ASPA: variants seen among roughly 807,000 people sequenced by gnomAD.
ASPA encodes the protein ACY-2.
ASPA carries 25 observed loss-of-function variants against 29.6 expected under a neutral mutation model. The ratio of observed to expected loss-of-function variants is 0.85; its 90% CI spans 0.62 to 1.18. The LOEUF (loss-of-function observed/expected upper bound fraction) is 1.18. ASPA is among the 50% of genes most tolerant of loss of function. The probability of loss-of-function intolerance (pLI) is 0.00; values close to 1 mark genes in which losing one functional copy is unlikely to be tolerated. For missense variants in ASPA, 333 were observed against 385.7 expected (o/e 0.86, Z 1.14); for synonymous variants, 131 against 130.3 (o/e 1.01, Z -0.04).
intron 4 of ASPA, among the ~76,000 whole-genome samples, chr17:3,491,877 CTTTTTTTTTTT>C: frequency 8.1e-6 from 1 of 123,044 alleles, no homozygotes; most frequent in South Asian, 2.5e-4. Flanking sequence ...CTTTTGTTTT[CTTTTTTTTTTT>C]TTTTTTTGAG....
At chr17:3,477,640 G>A (rs1398028722) in intron 1 of ASPA, among the ~76,000 whole-genome samples, 2 of 151,960 alleles carry the variant, frequency 1.3e-5, no homozygotes, top group Non-Finnish European at 2.9e-5. Context: ...TTTTAGTAGA[G>A]ACGGGGTTTC....
chr17:3,479,317 A>T (rs769639284), intron 1 of ASPA, among the ~76,000 whole-genome samples: 7 of 152,210 alleles, frequency 4.6e-5, no homozygotes, highest in Non-Finnish European at 8.8e-5. Context: ...CCATTTACTC[A>T]AATGCGGAAG....
chr17:3,499,199 A>T lies in ASPA; in HGVS notation c.*111A>T. On this transcript the variant is annotated 3_prime_UTR_variant, in exon 6 of 6. Coordinates refer to ENST00000263080, the MANE Select transcript of ASPA (RefSeq NM_000049.4). ...CAACTGCATACATAGCTCCTAGCAC[A>T]GTGCCTTATTCGGTAGGCATCTAAG... The T allele has an allele frequency of 8.6e-7, 1 of 1,167,516 alleles. No homozygotes were observed. The highest frequency in any genetic ancestry group is 1.2e-6 in the Non-Finnish European group (1 of 825,492). The allele number at this position is 1,167,516 out of a possible 1,614,324, so 72.3% of individuals were successfully genotyped here. A position where few individuals can be genotyped will look rare whatever the true frequency, so the allele number is the denominator to read the frequency against.
In ASPA at chr17:3,481,648, A is replaced by T. The variant is rs750812337; in HGVS notation, c.282A>T (p.Gln94His). Residue 94 changes from glutamine to histidine, a missense_variant, in exon 2 of 6, where the codon CAA (glutamine) becomes CAT (histidine). Transcript: ENST00000263080. ...TGCCATATGAAGTGAGAAGGGCTCAAGAAATAAATCATTTATTTGGTCCAA... is the reference window on the plus strand; with the variant it reads ...TGCCATATGAAGTGAGAAGGGCTCATGAAATAAATCATTTATTTGGTCCAA... ...EDLPYEVRRA[Q>H]EINHLFGPKD... is the part of the protein sequence containing the mutation. 4.3e-6 allele frequency: 7 copies of T among 1,613,912 alleles called. No homozygotes were observed. The Admixed American group carries it at 8.3e-5, about 19-fold the overall frequency.
rs1411955239 is a variant in ASPA at position 3,490,551 on chromosome 17, G to T, written c.634+1209G>T. On this transcript the variant is annotated intron_variant, in intron 4 of 5. Coordinates refer to ENST00000263080, the MANE Select transcript of ASPA (RefSeq NM_000049.4). The surrounding 1 kb of genome is among the most constrained non-coding windows in gnomAD (Gnocchi z 4.6). Reference sequence around the variant, plus strand: ...AACCTCAGATCGTGCGCACCCCACTGCAATCACAGACATTCGTTTTGTGCT... The same window carrying T: ...AACCTCAGATCGTGCGCACCCCACTTCAATCACAGACATTCGTTTTGTGCT... 6.6e-6 allele frequency among the ~76,000 whole-genome samples: 1 copy of T among 152,072 alleles called. No individual in the cohort carries two copies. The highest frequency in any genetic ancestry group is 6.5e-5 in the Admixed American group (1 of 15,272).
intron 4 of ASPA, 41 bp from the exon 5 acceptor site, chr17:3,494,309 A>C: frequency 6.8e-7 from 1 of 1,468,390 alleles, no homozygotes; most frequent in Non-Finnish European, 9.5e-7. Flanking sequence ...CGGCCCAGAG[A>C]TGTTTTTAGT....
chr17:3,498,188 G>A (rs534716163), intron 5 of ASPA, among the ~76,000 whole-genome samples: 2 of 152,100 alleles, frequency 1.3e-5, no homozygotes, highest in Non-Finnish European at 2.9e-5. Context: ...GCACACAGAA[G>A]ACTCCTAATG....
At chr17:3,483,029 T>G (rs1294967017) in intron 2 of ASPA, among the ~76,000 whole-genome samples, 1 of 149,290 alleles carries the variant, frequency 6.7e-6, no homozygotes, top group Non-Finnish European at 1.5e-5. Context: ...TGACACTTTG[T>G]TATCCAAACC....
chr17:3,495,977 T>C (rs9906620), intron 5 of ASPA, among the ~76,000 whole-genome samples: 6,124 of 152,254 alleles, frequency 0.04, 390 homozygotes, highest in African/African-American at 0.14. Context: ...GATGATATCA[T>C]GGCAGGCTAA....
At chr17:3,495,961 C>T (rs2073901946) in intron 5 of ASPA, among the ~76,000 whole-genome samples, 1 of 152,074 alleles carries the variant, frequency 6.6e-6, no homozygotes, top group African/African-American at 2.4e-5. Flanking sequence ...AAACAGAGGC[C>T]AAGGTGATGA....
intron 1 of ASPA, among the ~76,000 whole-genome samples, chr17:3,479,165 C>G (rs1185630126): frequency 6.6e-6 from 1 of 152,080 alleles, no homozygotes. Context: ...TGGCTAATGC[C>G]CTTCAGAATC....
rs1309100885 is a variant in ASPA, at chr17:3,499,645, G to T, written c.*557G>T. The T allele has an allele frequency of 6.6e-6, 1 of 152,328 alleles. No homozygotes were observed. The highest frequency in any genetic ancestry group is 2.4e-5 in the African/African-American group (1 of 41,406). The allele number at this position is 152,328 out of a possible 1,614,324, so 9.4% of individuals were successfully genotyped here. ...ATCAGTGGCCTTTGATGTTACTGTT[G>T]TTAAGTGTTTTGGGGCACCATGAAT... On this transcript the variant is annotated 3_prime_UTR_variant, in exon 6 of 6. Coordinates refer to ENST00000263080, the MANE Select transcript of ASPA (RefSeq NM_000049.4).
chr17:3,474,237 G>A (rs1269070496), upstream of ASPA: 5 of 152,198 alleles, frequency 3.3e-5, no homozygotes. Flanking sequence ...ATTTTGACAT[G>A]TAAGAGAAAC....
At chr17:3,486,608 T>C (rs535017728) in intron 3 of ASPA, among the ~76,000 whole-genome samples, 1 of 152,324 alleles carries the variant, frequency 6.6e-6, no homozygotes, top group East Asian at 1.9e-4. Context: ...ATTCTCTTTC[T>C]TGAGCGCCTC....
intron 3 of ASPA, among the ~76,000 whole-genome samples, chr17:3,483,841 C>T (rs2073675678): frequency 6.6e-6 from 1 of 151,804 alleles, no homozygotes; most frequent in African/African-American, 2.4e-5. Context: ...ATTTTTAGTA[C>T]AGACGGAGTT....
At chr17:3,481,068 A>T (rs1231954003) in intron 1 of ASPA, among the ~76,000 whole-genome samples, 3 of 152,022 alleles carry the variant, frequency 2.0e-5, no homozygotes, top group Non-Finnish European at 2.9e-5. Context: ...GGGTACAGTG[A>T]TCCATAATTG....
rs892972373 is a variant in ASPA at position 3,490,540 on chromosome 17, C to T, written c.634+1198C>T. Among the ~76,000 whole-genome samples, 5 of 152,006 alleles carry T rather than the reference C, an allele frequency of 3.3e-5. No individual in the cohort carries two copies. Among genetic ancestry groups the T allele is most frequent in the Admixed American group, 2.0e-4 (3 of 15,254 alleles). ...GTGAATTCCTCAACCTCAGATCGTG[C>T]GCACCCCACTGCAATCACAGACATT... On this transcript the variant is annotated intron_variant, in intron 4 of 5. Coordinates refer to ENST00000263080, the MANE Select transcript of ASPA (RefSeq NM_000049.4). The surrounding 1 kb of genome is among the most constrained non-coding windows in gnomAD (Gnocchi z 4.6).
At chr17:3,486,343 TC>T (rs1217707665) in intron 3 of ASPA, among the ~76,000 whole-genome samples, 1 of 152,188 alleles carries the variant, frequency 6.6e-6, no homozygotes. Context: ...CTTGAAAAGA[TC>T]ATCTGGAACA....
chr17:3,489,449 A>G, intron 4 of ASPA, 107 bp downstream of exon 4: 1 of 947,942 alleles, frequency 1.1e-6, no homozygotes, highest in Non-Finnish European at 1.7e-6. Context: ...GTGCTTTTTA[A>G]AATTTTTATT....
Sources: gnomAD v4.1 joint callset for allele counts (sites outside exome capture counted in the v4.1 genomes callset) on GRCh38, gnomAD v4.1.1 for gene constraint, Gnocchi (gnomAD v3.1) non-coding constraint, MANE v1.5 for transcripts, NCBI Gene and HGNC (gene_info 2026-07-23, HGNC 2026-07-21) for gene names.